The following PTCHD4 variants were observed in gnomAD, a reference collection of about 807,000 sequenced individuals.
PTCHD4 encodes the protein patched domain-containing protein 4.
A neutral mutation model predicts 58.1 loss-of-function variants in PTCHD4; 33 were observed. That is an observed-to-expected ratio of 0.57 (90% CI 0.43 to 0.76). The LOEUF is 0.76. Ranked by LOEUF, PTCHD4 falls within the 30% of genes least tolerant of loss-of-function variation. The probability of loss-of-function intolerance (pLI) is 0.00; values close to 1 mark genes in which losing one functional copy is unlikely to be tolerated. For missense variants in PTCHD4, 1,058 were observed against 1,027.1 expected, an observed-to-expected ratio of 1.03 and a Z score of -0.41; for synonymous variants, 478 against 409.6, an observed-to-expected ratio of 1.17 and a Z score of -2.02.
At chr6:48,090,147 T>C (rs1765337079) in intron 1 of PTCHD4, among the ~76,000 whole-genome samples, 1 of 152,308 alleles carries the variant, frequency 6.6e-6, no homozygotes, top group African/African-American at 2.4e-5. Flanking sequence ...CTGTTTAAAG[T>C]TCAGAGTAGG....
intron 1 of PTCHD4, among the ~76,000 whole-genome samples, chr6:48,079,269 T>G (rs1765119533): frequency 6.6e-6 from 1 of 152,156 alleles, no homozygotes; most frequent in Admixed American, 6.5e-5. Flanking sequence ...ATTAATTACC[T>G]TGCATAGTCG....
intron 3 of PTCHD4, among the ~76,000 whole-genome samples, chr6:48,039,374 G>GA (rs1763761840): frequency 6.6e-6 from 1 of 152,030 alleles, no homozygotes; most frequent in Non-Finnish European, 1.5e-5. Context: ...ATGCTTATCT[G>GA]AAAAAACTAT....
chr6:47,948,687 T>C (rs1480478891), intron 4 of PTCHD4, among the ~76,000 whole-genome samples: 2 of 152,160 alleles, frequency 1.3e-5, no homozygotes, highest in Non-Finnish European at 2.9e-5. Flanking sequence ...CTGACTTCCT[T>C]CTAATCCATT....
chr6:48,008,514 A>G (rs1762545784), intron 4 of PTCHD4, 120 bp downstream of exon 4: 4 of 1,175,226 alleles, frequency 3.4e-6, no homozygotes, highest in Non-Finnish European at 4.7e-6. Context: ...GTAAAATTTT[A>G]TGTAATGACA....
intron 4 of PTCHD4, among the ~76,000 whole-genome samples, chr6:47,992,273 A>G (rs1768306795): frequency 6.6e-6 from 1 of 152,194 alleles, no homozygotes; most frequent in African/African-American, 2.4e-5. Context: ...TTGTGTATAT[A>G]TATACACACA....
intron 3 of PTCHD4, among the ~76,000 whole-genome samples, chr6:48,021,069 G>C (rs186826081): frequency 6.6e-6 from 1 of 151,770 alleles, no homozygotes; most frequent in Admixed American, 6.6e-5. Flanking sequence ...TAGGATTATA[G>C]GTCATTTCCG....
intron 4 of PTCHD4, among the ~76,000 whole-genome samples, chr6:47,977,809 CTATT>C (rs1199199164): frequency 2.6e-5 from 4 of 152,252 alleles, no homozygotes; most frequent in African/African-American, 4.8e-5. Context: ...ATAGCACACT[CTATT>C]TATACAATCA....
intron 1 of PTCHD4, among the ~76,000 whole-genome samples, chr6:48,092,646 A>G (rs973144409): frequency 1.3e-5 from 2 of 152,184 alleles, no homozygotes; most frequent in Non-Finnish European, 2.9e-5. Context: ...TTAGTTACTT[A>G]GGTAGCCAAA....
rs1763710872 is a variant in PTCHD4, at chr6:47,871,397, T to G, written c.*6906A>C. Among the ~76,000 whole-genome samples, 1 of 151,634 alleles carries G rather than the reference T, an allele frequency of 6.6e-6. No individual in the cohort carries two copies. Among genetic ancestry groups the G allele is most frequent in the Admixed American group, 6.6e-5 (1 of 15,174 alleles). On this transcript the variant is annotated 3_prime_UTR_variant, in exon 5 of 5. Coordinates refer to ENST00000339488, the MANE Select transcript of PTCHD4 (RefSeq NM_001384253.1). ...AGTGATAAGTGAAATGCACTTGGAA[T>G]TTTTCTGAAGTTATTCACAGATTAT... is the stretch of plus-strand genomic sequence containing the variant.
intron 4 of PTCHD4, among the ~76,000 whole-genome samples, chr6:48,002,510 C>A (rs1768770746): frequency 6.9e-6 from 1 of 145,546 alleles, no homozygotes; most frequent in African/African-American, 2.6e-5. Flanking sequence ...ATCACAAGGA[C>A]AAAAAACCAT....
At chr6:48,079,500 A>G (rs540534450) in intron 1 of PTCHD4, among the ~76,000 whole-genome samples, 46 of 152,114 alleles carry the variant, frequency 3.0e-4, no homozygotes, top group African/African-American at 1.1e-3. Context: ...GAAAACAACA[A>G]TAGAAGAGTA....
intron 4 of PTCHD4, among the ~76,000 whole-genome samples, chr6:47,964,705 T>C (rs1767219798): frequency 6.6e-6 from 1 of 152,170 alleles, no homozygotes; most frequent in South Asian, 2.1e-4. Flanking sequence ...TATAAAGTAG[T>C]TTCATCTTGG....
Position 47,859,651 on chromosome 6 carries a change from G to GC in PTCHD4, c.*18651dup, listed in dbSNP as rs1243402836. 1.3e-5 allele frequency among the ~76,000 whole-genome samples: 2 copies of GC among 150,010 alleles called. No individual in the cohort carries two copies. Among genetic ancestry groups the GC allele is most frequent in the Non-Finnish European group, 3.0e-5 (2 of 67,518 alleles). On this transcript the variant is annotated 3_prime_UTR_variant, in exon 5 of 5. Coordinates refer to ENST00000339488, the MANE Select transcript of PTCHD4 (RefSeq NM_001384253.1). Reference sequence around the variant, plus strand: ...GTTTACAGAGCAGAAAAATATCTCTGCCCCCTTAGAGCTTTCAATTTACTG... The same window carrying GC: ...GTTTACAGAGCAGAAAAATATCTCTGCCCCCCTTAGAGCTTTCAATTTACTG...
At chr6:47,944,506 C>T (rs1359480846) in intron 4 of PTCHD4, among the ~76,000 whole-genome samples, 2 of 152,006 alleles carry the variant, frequency 1.3e-5, no homozygotes, top group African/African-American at 4.8e-5. Flanking sequence ...GTCCAAGTGA[C>T]TCATTAAGAC....
At position 47,869,990 on chromosome 6, in the gene PTCHD4, A is replaced by G. The variant is rs1415672005; in HGVS notation, c.*8313T>C. Among the ~76,000 whole-genome samples the G allele has an allele frequency of 1.3e-5, 2 of 151,642 alleles. No individual in the cohort carries two copies. The highest frequency in any genetic ancestry group is 4.8e-5 in the African/African-American group (2 of 41,402). Reference sequence around the variant, plus strand: ...AATTTAAGAATAACCTAGCTTTTACAGCATTTGTGATTGTGATTTTAAAAG... The same window carrying G: ...AATTTAAGAATAACCTAGCTTTTACGGCATTTGTGATTGTGATTTTAAAAG... On this transcript the variant is annotated 3_prime_UTR_variant, in exon 5 of 5. Transcript: ENST00000339488.
rs563837625 is a variant in PTCHD4 at position 47,963,966 on chromosome 6, C to A, written c.898+44668G>T. On this transcript the variant is annotated intron_variant, in intron 4 of 4. Transcript: ENST00000339488. ...TTGACATAACTGTAATAGGATTAAA[C>A]CACTCATTATCAAGATGAAACTACT... Among the ~76,000 whole-genome samples, 25 of 152,270 alleles carry A rather than the reference C, an allele frequency of 1.6e-4. 1 individual carries two copies. The South Asian group carries it at 5.0e-3, about 30-fold the overall frequency.
At chr6:48,077,666 T>C (rs1182166962) in intron 1 of PTCHD4, among the ~76,000 whole-genome samples, 1 of 152,244 alleles carries the variant, frequency 6.6e-6, no homozygotes, top group Non-Finnish European at 1.5e-5. Flanking sequence ...TGTTCAACTC[T>C]TCCTTTCACA....
At chr6:48,042,414 A>G (rs547567326) in intron 3 of PTCHD4, among the ~76,000 whole-genome samples, 1 of 152,152 alleles carries the variant, frequency 6.6e-6, no homozygotes, top group East Asian at 1.9e-4. Context: ...CTTCAAAATA[A>G]GGATCTAAAG....
intron 4 of PTCHD4, among the ~76,000 whole-genome samples, chr6:47,936,401 T>C (rs142087601): frequency 6.6e-6 from 1 of 152,350 alleles, no homozygotes; most frequent in African/African-American, 2.4e-5. Context: ...TATGGTCCCT[T>C]CTTTATTAAA....
Sources: gnomAD v4.1 joint callset for allele counts (sites outside exome capture counted in the v4.1 genomes callset) on GRCh38, gnomAD v4.1.1 for gene constraint, MANE v1.5 for transcripts, NCBI Gene and HGNC (gene_info 2026-07-23, HGNC 2026-07-21) for gene names.